ATRN: variants seen among roughly 807,000 people sequenced by gnomAD.
ATRN encodes the protein attractin-2.
A neutral mutation model predicts 178.7 loss-of-function variants in ATRN; 54 were observed. The ratio of observed to expected loss-of-function variants is 0.30; its 90% CI spans 0.24 to 0.38. ATRN has a LOEUF of 0.38. ATRN is among the 10% of genes least tolerant of loss of function. The pLI is 1.00. For synonymous variants in ATRN, 636 were observed against 663.0 expected, an observed-to-expected ratio of 0.96 and a Z score of 0.63; for missense variants, 1,443 against 1,815.1, an observed-to-expected ratio of 0.79 and a Z score of 3.73.
At chr20:3,525,554 G>A (rs564325878) in intron 1 of ATRN, among the ~76,000 whole-genome samples, 1 of 152,272 alleles carries the variant, frequency 6.6e-6, no homozygotes, top group East Asian at 1.9e-4. Flanking sequence ...ATTTGATGAG[G>A]CCAGCATCAT....
At chr20:3,492,168 A>AGTGT (rs58489496) in intron 1 of ATRN, among the ~76,000 whole-genome samples, 21,624 of 140,332 alleles carry the variant, frequency 0.15, 1,839 homozygotes, top group African/African-American at 0.21. Context: ...TAGATAGGGG[A>AGTGT]GTGTGTGTGT....
intron 23 of ATRN, 55 bp downstream of exon 23, chr20:3,601,079 T>G: frequency 6.7e-7 from 1 of 1,491,398 alleles, no homozygotes; most frequent in Non-Finnish European, 9.3e-7. Context: ...GATTAAGAAA[T>G]GTAATATAGG....
At chr20:3,507,924 C>T (rs1446899176) in intron 1 of ATRN, among the ~76,000 whole-genome samples, 4 of 151,834 alleles carry the variant, frequency 2.6e-5, no homozygotes, top group Admixed American at 1.3e-4. Flanking sequence ...AGGATGGTCT[C>T]GATCTCTTGA....
intron 1 of ATRN, among the ~76,000 whole-genome samples, chr20:3,525,896 TATCTC>T (rs1239268009): frequency 1.3e-5 from 2 of 152,310 alleles, no homozygotes; most frequent in East Asian, 1.9e-4. Context: ...TGGTGGAACT[TATCTC>T]AAGATAATAA....
At chr20:3,591,505 A>C (rs146005887) in intron 19 of ATRN, among the ~76,000 whole-genome samples, 199 bp downstream of exon 19, 1 of 152,296 alleles carries the variant, frequency 6.6e-6, no homozygotes, top group East Asian at 1.9e-4. Flanking sequence ...AACAAGCCAA[A>C]AATGTTAGAG....
chr20:3,495,977 G>A (rs2084873476), intron 1 of ATRN, among the ~76,000 whole-genome samples: 1 of 152,080 alleles, frequency 6.6e-6, no homozygotes, highest in Admixed American at 6.6e-5. Flanking sequence ...ACTTCTGAAT[G>A]TACTTTATTT....
At chr20:3,602,843 A>T (rs935593804) in intron 23 of ATRN, among the ~76,000 whole-genome samples, 2 of 151,660 alleles carry the variant, frequency 1.3e-5, no homozygotes, top group African/African-American at 4.8e-5. Context: ...CGTGCCTGTA[A>T]TCCCAGCTAC....
chr20:3,613,484 A>C (rs2086794763), intron 24 of ATRN, among the ~76,000 whole-genome samples: 2 of 152,106 alleles, frequency 1.3e-5, no homozygotes, highest in South Asian at 4.1e-4. Context: ...TTCCCCAGAG[A>C]CTTAGCTTTT....
At chr20:3,566,904 C>A (rs1398043181) in intron 11 of ATRN, among the ~76,000 whole-genome samples, 392 of 86,220 alleles carry the variant, frequency 4.5e-3, no homozygotes, top group Non-Finnish European at 5.3e-3. Context: ...GACTCCATCT[C>A]AAAAAAAAAA....
In ATRN at chr20:3,562,397, C is replaced by G; in HGVS notation, c.1569C>G (p.Phe523Leu). The G allele has an allele frequency of 6.2e-7, 1 of 1,614,136 alleles. No homozygotes were observed. The highest frequency in any genetic ancestry group is 8.5e-7 in the Non-Finnish European group (1 of 1,180,032). The change falls in exon 9 of 29, where the codon TTC (phenylalanine) becomes TTG (leucine). Residue 523 changes from phenylalanine (F) to leucine (L), a missense_variant. By Grantham distance (22) the Phe-to-Leu change is conservative. Around this residue, in one of 4 missense-constraint regions of ATRN, gnomAD observed 862 missense variants for 972.1 expected, o/e 0.89. Coordinates refer to ENST00000262919, the MANE Select transcript of ATRN (RefSeq NM_139321.3). ...ACGTTCATGGTGGCTACAAGGCTTTCAGTGCCAATAAGTACCGGCTTGCAG... is the reference window on the plus strand; with the variant it reads ...ACGTTCATGGTGGCTACAAGGCTTTGAGTGCCAATAAGTACCGGCTTGCAG... ...ALYVHGGYKA[F>L]SANKYRLADD...
At chr20:3,492,743 A>G (rs912389919) in intron 1 of ATRN, among the ~76,000 whole-genome samples, 2 of 151,654 alleles carry the variant, frequency 1.3e-5, no homozygotes, top group Non-Finnish European at 2.9e-5. Flanking sequence ...ATGGGAAGAG[A>G]TAATTCTGCC....
In ATRN at chr20:3,638,875, T is replaced by C. The variant is rs2061975483; in HGVS notation, c.3990T>C (p.Ser1330=). ...AGATGGCCAGCCGTCCCTTTGCCTC[T>C]GTAAATGTCGCCTTGGAAACAGATG... ...MQQMASRPFA[S]VNVALETDEE... is the part of the protein sequence containing the mutation. Residue 1330 remains serine, a synonymous_variant, in exon 27 of 29, where the codon TCT becomes TCC. Coordinates refer to ENST00000262919, the MANE Select transcript of ATRN (RefSeq NM_139321.3). This position sits in a 1 kb window ranked among gnomAD's most constrained non-coding sequence, Gnocchi z 4.5. 6.2e-7 allele frequency: 1 copy of C among 1,614,220 alleles called. No individual in the cohort carries two copies. The highest frequency in any genetic ancestry group is 1.3e-5 in the African/African-American group (1 of 75,068).
At chr20:3,611,777 A>G (rs1419002247) in intron 24 of ATRN, among the ~76,000 whole-genome samples, 1 of 152,186 alleles carries the variant, frequency 6.6e-6, no homozygotes, top group African/African-American at 2.4e-5. Context: ...AGAAATGCAA[A>G]TTGAAAGCAC....
In ATRN at chr20:3,645,408, C is replaced by G. The variant is rs977222829; in HGVS notation, c.4165+1140C>G. ...GAGTTGAGCCCCTAACTCGGCCTTG[C>G]CTGTGTTGAGGACAGGACAACTCTC... On this transcript the variant is annotated intron_variant, in intron 28 of 28. Transcript: ENST00000262919. The surrounding 1 kb of genome is among the most constrained non-coding windows in gnomAD (Gnocchi z 4.7). Among the ~76,000 whole-genome samples the G allele has an allele frequency of 6.6e-6, 1 of 152,258 alleles. No homozygotes were observed. The highest frequency in any genetic ancestry group is 1.5e-5 in the Non-Finnish European group (1 of 68,038).
At position 3,638,782 on chromosome 20, in the gene ATRN, C is replaced by A; in HGVS notation, c.3943-46C>A. 6.5e-7 allele frequency: 1 copy of A among 1,537,112 alleles called. No homozygotes were observed. The highest frequency in any genetic ancestry group is 1.7e-5 in the Admixed American group (1 of 58,406). Reference sequence around the variant, plus strand: ...ACATGTAGCATTAACTAATAAAACCCCTTCAGTACTCATTCCATTAATGGC... The same window carrying A: ...ACATGTAGCATTAACTAATAAAACCACTTCAGTACTCATTCCATTAATGGC... On this transcript the variant is annotated intron_variant, in intron 26 of 28. Coordinates refer to ENST00000262919, the MANE Select transcript of ATRN (RefSeq NM_139321.3). The surrounding 1 kb of genome is among the most constrained non-coding windows in gnomAD (Gnocchi z 4.5).
chr20:3,582,846 G>A (rs1026196213), intron 16 of ATRN, among the ~76,000 whole-genome samples: 3 of 152,194 alleles, frequency 2.0e-5, no homozygotes, highest in African/African-American at 7.2e-5. Context: ...AGAACTACGC[G>A]AGAGCTGCAG....
At chr20:3,503,618 A>G (rs1256063821) in intron 1 of ATRN, among the ~76,000 whole-genome samples, 1 of 152,218 alleles carries the variant, frequency 6.6e-6, no homozygotes, top group Non-Finnish European at 1.5e-5. Flanking sequence ...GACCGGCTCA[A>G]TAGAGTGGCA....
chr20:3,579,499 A>C (rs2086254816), intron 15 of ATRN, among the ~76,000 whole-genome samples: 1 of 152,132 alleles, frequency 6.6e-6, no homozygotes, highest in African/African-American at 2.4e-5. Flanking sequence ...ACAAAAAAAG[A>C]ACAGCAAAAA....
intron 24 of ATRN, among the ~76,000 whole-genome samples, chr20:3,615,166 G>A (rs2086825306): frequency 1.3e-5 from 2 of 152,040 alleles, no homozygotes; most frequent in Admixed American, 1.3e-4. Flanking sequence ...TTATATGGTT[G>A]TGCTGTAATT....
Sources: gnomAD v4.1 joint callset for allele counts (sites outside exome capture counted in the v4.1 genomes callset) on GRCh38, gnomAD v4.1.1 for gene constraint, gnomAD v4.1.1 regional missense constraint, Gnocchi (gnomAD v3.1) non-coding constraint, MANE v1.5 for transcripts, NCBI Gene and HGNC (gene_info 2026-07-23, HGNC 2026-07-21) for gene names.